KANK1: variants seen among roughly 807,000 people sequenced by gnomAD.
KANK1 encodes KN motif and ankyrin repeat domains 1.
A neutral mutation model predicts 106.2 loss-of-function variants in KANK1; 109 were observed. The observed-to-expected ratio is 1.03, with a 90% CI of 0.88 to 1.20. The LOEUF (loss-of-function observed/expected upper bound fraction) is 1.20. KANK1 is among the 50% of genes most tolerant of loss of function. The pLI is 0.00. For missense variants in KANK1, 2,399 were observed against 1,710.7 expected (o/e 1.40, Z -7.10); for synonymous variants, 873 against 652.2 (o/e 1.34, Z -5.16).
At chr9:516,896 T>C (rs766956515) in intron 1 of KANK1, among the ~76,000 whole-genome samples, 12 of 151,396 alleles carry the variant, frequency 7.9e-5, no homozygotes, top group Non-Finnish European at 1.8e-4. Flanking sequence ...TCAGTGTAAG[T>C]TTGAACACTT....
chr9:558,434 C>T (rs557678986), intron 1 of KANK1, among the ~76,000 whole-genome samples: 4 of 152,312 alleles, frequency 2.6e-5, no homozygotes, highest in South Asian at 2.1e-4. Context: ...TGTCAGCTGT[C>T]AACCGATCAA....
rs139399986 is a variant in KANK1 at position 540,995 on chromosome 9, C to T, written c.-84+36241C>T. Among the ~76,000 whole-genome samples, 377 of 152,080 alleles carry T rather than the reference C, an allele frequency of 2.5e-3. 3 individuals are homozygous for T. Among genetic ancestry groups the T allele is most frequent in the South Asian group, 8.9e-3 (43 of 4,824 alleles). ...CTGCTGACTTTGGGCTGTTCCTTTT[C>T]TAATTCCTTGAGGTGTAAAGTTAAG... On this transcript the variant is annotated intron_variant, in intron 1 of 11. Coordinates refer to ENST00000382297, the MANE Select transcript of KANK1 (RefSeq NM_015158.5).
At chr9:584,458 A>G (rs1198728253) in intron 1 of KANK1, among the ~76,000 whole-genome samples, 2 of 152,238 alleles carry the variant, frequency 1.3e-5, no homozygotes, top group African/African-American at 2.4e-5. Flanking sequence ...TTATTTTTTA[A>G]TAATTCAGCA....
intron 1 of KANK1, among the ~76,000 whole-genome samples, chr9:670,967 T>G (rs1346543266): frequency 4.8e-5 from 7 of 146,106 alleles, no homozygotes; most frequent in South Asian, 2.2e-4. Flanking sequence ...TTTTTTTTTT[T>G]TTTTTTTTTT....
intron 2 of KANK1, among the ~76,000 whole-genome samples, chr9:697,369 C>G (rs1260778738): frequency 6.6e-6 from 1 of 152,064 alleles, no homozygotes; most frequent in Non-Finnish European, 1.5e-5. Flanking sequence ...ATCATAGAGT[C>G]ACCATTTTTT....
intron 1 of KANK1, among the ~76,000 whole-genome samples, chr9:666,866 A>G (rs947585356): frequency 9.2e-6 from 1 of 109,054 alleles, no homozygotes; most frequent in Non-Finnish European, 1.9e-5. Flanking sequence ...GGATTTTTCT[A>G]TCTGTGTTCA....
At chr9:570,250 T>C (rs1818835572) in intron 1 of KANK1, among the ~76,000 whole-genome samples, 2 of 152,204 alleles carry the variant, frequency 1.3e-5, no homozygotes, top group South Asian at 4.1e-4. Context: ...ACTTAAAATT[T>C]TAAATCCGTA....
At position 729,662 on chromosome 9, in the gene KANK1, G is replaced by A. The variant is rs114699083; in HGVS notation, c.2699-389G>A. Among the ~76,000 whole-genome samples the A allele has an allele frequency of 4.0e-3, 616 of 152,304 alleles. 4 individuals are homozygous for A. Among genetic ancestry groups the A allele is most frequent in the African/African-American group, 0.014 (594 of 41,566 alleles). ...GGACTACATTTCCTGAGCAGTGGGT[G>A]CTTTTTAGGCGTTGTCACATTTTGT... On this transcript the variant is annotated intron_variant, in intron 3 of 11. Transcript: ENST00000382297.
intron 10 of KANK1, among the ~76,000 whole-genome samples, chr9:743,652 C>T (rs1836318183): frequency 6.6e-6 from 1 of 151,978 alleles, no homozygotes; most frequent in South Asian, 2.1e-4. Flanking sequence ...ATCGCTCGAG[C>T]CCAGGAGTTC....
chr9:473,615 G>C (rs1056223551), intron 3 of KANK1, among the ~76,000 whole-genome samples: 3 of 152,126 alleles, frequency 2.0e-5, no homozygotes, highest in African/African-American at 7.2e-5. Flanking sequence ...ACTTATTTTA[G>C]TGTATATCAT....
intron 1 of KANK1, among the ~76,000 whole-genome samples, chr9:598,738 C>A (rs1276526849): frequency 7.2e-6 from 1 of 139,186 alleles, no homozygotes; most frequent in Non-Finnish European, 1.5e-5. Context: ...TCAAGCGATT[C>A]TCATGCCTCA....
intron 1 of KANK1, among the ~76,000 whole-genome samples, chr9:644,478 G>GGAAACTTAGAATCATGGCAGAAGGCA (rs1839212294): frequency 1.3e-5 from 2 of 150,968 alleles, no homozygotes; most frequent in Non-Finnish European, 2.9e-5. Context: ...GGAGGCCTCA[G>GGAAACTTAGAATCATGGCAGAAGGCA]GAAACTTAGA....
intron 1 of KANK1, among the ~76,000 whole-genome samples, chr9:575,227 G>C (rs1285965188): frequency 6.6e-6 from 1 of 152,194 alleles, no homozygotes; most frequent in African/African-American, 2.4e-5. Context: ...CCTTCAGTGA[G>C]ATTTGTATAA....
intron 1 of KANK1, among the ~76,000 whole-genome samples, chr9:510,013 G>C (rs2058960109): frequency 6.6e-6 from 1 of 151,434 alleles, no homozygotes; most frequent in Non-Finnish European, 1.5e-5. Context: ...GGTCTTGCTA[G>C]GTTGTCCAGG....
intron 3 of KANK1, among the ~76,000 whole-genome samples, chr9:485,239 C>G (rs1192692782): frequency 6.6e-6 from 1 of 152,142 alleles, no homozygotes; most frequent in Non-Finnish European, 1.5e-5. Context: ...TAGATAGTGA[C>G]CCATTGAGAA....
At chr9:698,288 G>A (rs553812725) in intron 2 of KANK1, among the ~76,000 whole-genome samples, 2 of 152,172 alleles carry the variant, frequency 1.3e-5, no homozygotes, top group East Asian at 3.9e-4. Flanking sequence ...AACACAGAGC[G>A]AGTCTGTGTT....
At chr9:566,557 G>C (rs1483314204) in intron 1 of KANK1, among the ~76,000 whole-genome samples, 1 of 152,194 alleles carries the variant, frequency 6.6e-6, no homozygotes, top group Non-Finnish European at 1.5e-5. Flanking sequence ...CATTCTGACA[G>C]GTGCGAGATG....
chr9:742,740 T>C (rs1056341639), intron 10 of KANK1, among the ~76,000 whole-genome samples: 2 of 152,184 alleles, frequency 1.3e-5, no homozygotes, highest in African/African-American at 4.8e-5. Flanking sequence ...TCAGTGTAGG[T>C]GACTTCTGAC....
At chr9:734,978 C>T (rs1428688152) in intron 7 of KANK1, 143 bp downstream of exon 7, 4 of 644,902 alleles carry the variant, frequency 6.2e-6, no homozygotes, top group Non-Finnish European at 1.1e-5. Context: ...GCTGGGTAAA[C>T]ATCATGTGGT....
Sources: allele counts gnomAD v4.1 joint callset (sites outside exome capture counted in the v4.1 genomes callset), GRCh38; gene constraint gnomAD v4.1.1; transcripts MANE v1.5; gene names NCBI Gene and HGNC (gene_info 2026-07-23, HGNC 2026-07-21).